TNNI3K: variants seen among roughly 807,000 people sequenced by gnomAD.
The protein encoded by TNNI3K is serine/threonine-protein kinase TNNI3K.
Under a neutral mutation model 114.5 loss-of-function variants are expected in TNNI3K, and 140 were observed. The ratio of observed to expected loss-of-function variants is 1.22; its 90% CI spans 1.07 to 1.41. The LOEUF (loss-of-function observed/expected upper bound fraction) is 1.41. Among genes scored for constraint, TNNI3K ranks in the 40% most tolerant of loss-of-function variants. The pLI is 0.00. For synonymous variants in TNNI3K, 347 were observed against 347.5 expected (o/e 1.00, Z 0.02); for missense variants, 1,125 against 1,007.6 (o/e 1.12, Z -1.58).
intron 17 of TNNI3K, chr1:74,375,680 A>G (rs926005868): frequency 2.4e-5 from 11 of 450,498 alleles, no homozygotes; most frequent in African/African-American, 2.2e-4. Context: ...ACCCTATGAT[A>G]TCATCTCCAA....
At chr1:74,512,336 A>G (rs1670271704) in intron 23 of TNNI3K, among the ~76,000 whole-genome samples, 1 of 152,180 alleles carries the variant, frequency 6.6e-6, no homozygotes, top group Non-Finnish European at 1.5e-5. Flanking sequence ...AACTGTGCAA[A>G]ACAGGCAACA....
At chr1:74,349,625 A>G (rs957118873) in intron 9 of TNNI3K, among the ~76,000 whole-genome samples, 7 of 152,132 alleles carry the variant, frequency 4.6e-5, no homozygotes, top group African/African-American at 7.2e-5. Context: ...TTGGTAAGCT[A>G]TTGATTATTG....
intron 11 of TNNI3K, among the ~76,000 whole-genome samples, chr1:74,363,410 A>T (rs1662080951): frequency 6.6e-6 from 1 of 152,080 alleles, no homozygotes; most frequent in East Asian, 1.9e-4. Flanking sequence ...ATCATCAGCC[A>T]GAACCCAGGC....
chr1:74,396,038 G>A (rs370655119), intron 17 of TNNI3K, among the ~76,000 whole-genome samples: 2 of 152,244 alleles, frequency 1.3e-5, no homozygotes, highest in East Asian at 3.9e-4. Context: ...TGTTGGATTA[G>A]TGAATTAACC....
intron 23 of TNNI3K, among the ~76,000 whole-genome samples, chr1:74,510,303 G>C (rs145872251): frequency 6.6e-6 from 1 of 151,966 alleles, no homozygotes; most frequent in Non-Finnish European, 1.5e-5. Context: ...TCAGGAGATC[G>C]AGACCATCCT....
chr1:74,314,650 C>T (rs937157427), intron 5 of TNNI3K, among the ~76,000 whole-genome samples: 2 of 151,996 alleles, frequency 1.3e-5, no homozygotes, highest in African/African-American at 4.8e-5. Flanking sequence ...AACTTGATGT[C>T]ATAAACACAT....
chr1:74,414,042 T>C (rs577780612), intron 17 of TNNI3K, among the ~76,000 whole-genome samples: 2 of 152,244 alleles, frequency 1.3e-5, no homozygotes, highest in South Asian at 4.1e-4. Flanking sequence ...TAAAACCTAC[T>C]GAAAAAAATG....
At chr1:74,504,083 A>G (rs926225210) in intron 23 of TNNI3K, among the ~76,000 whole-genome samples, 5 of 152,218 alleles carry the variant, frequency 3.3e-5, no homozygotes, top group African/African-American at 1.2e-4. Flanking sequence ...AGACAGCACT[A>G]TAGTGAAATA....
chr1:74,259,630 A>C (rs552264950), intron 4 of TNNI3K, among the ~76,000 whole-genome samples: 4 of 152,070 alleles, frequency 2.6e-5, no homozygotes, highest in Admixed American at 2.0e-4. Flanking sequence ...AAAATTAGCC[A>C]TATGTGGTGG....
chr1:74,486,702 T>C (rs1269744510), intron 21 of TNNI3K, among the ~76,000 whole-genome samples: 1 of 151,646 alleles, frequency 6.6e-6, no homozygotes, highest in African/African-American at 2.4e-5. Context: ...TTTTAAAGGG[T>C]AAAGAGACTC....
At chr1:74,316,032 A>T (rs1366714819) in intron 5 of TNNI3K, among the ~76,000 whole-genome samples, 1 of 152,242 alleles carries the variant, frequency 6.6e-6, no homozygotes, top group Non-Finnish European at 1.5e-5. Flanking sequence ...ATAATTATAT[A>T]CATTCACTGA....
intron 23 of TNNI3K, among the ~76,000 whole-genome samples, chr1:74,506,938 C>A (rs1216418258): frequency 6.6e-6 from 1 of 151,982 alleles, no homozygotes; most frequent in Non-Finnish European, 1.5e-5. Flanking sequence ...GGTATCATGT[C>A]TCTGTTGAAT....
intron 5 of TNNI3K, among the ~76,000 whole-genome samples, chr1:74,310,870 T>C (rs918281193): frequency 6.6e-6 from 1 of 152,126 alleles, no homozygotes; most frequent in Non-Finnish European, 1.5e-5. Context: ...TTTAGATACT[T>C]CTTGTTCACT....
At chr1:74,439,405 T>G in intron 19 of TNNI3K, 85 bp from the exon 20 acceptor site, 1 of 1,546,060 alleles carries the variant, frequency 6.5e-7, no homozygotes, top group Non-Finnish European at 8.7e-7. Flanking sequence ...GAGAACACAG[T>G]AAATTCTCAC....
In TNNI3K at chr1:74,342,824, C is replaced by A. The variant is rs374987653; in HGVS notation, c.683-18C>A. 4 of 1,612,080 alleles carry A rather than the reference C, an allele frequency of 2.5e-6. No homozygotes were observed. Among genetic ancestry groups the A allele is most frequent in the African/African-American group, 2.7e-5 (2 of 74,710 alleles). ...ACAATTCTAGATAACATATCTTTTT[C>A]TTTCTTGCTGATAACAGTGAATGCT... On this transcript the variant is annotated intron_variant, in intron 7 of 24. Coordinates refer to ENST00000326637, the MANE Select transcript of TNNI3K (RefSeq NM_015978.3).
intron 23 of TNNI3K, among the ~76,000 whole-genome samples, chr1:74,538,414 C>A (rs1007895213): frequency 6.6e-6 from 1 of 152,106 alleles, no homozygotes; most frequent in African/African-American, 2.4e-5. Context: ...TCCAAAAACT[C>A]TTTTTTAAGC....
chr1:74,440,412 TA>T (rs766347345), intron 20 of TNNI3K, among the ~76,000 whole-genome samples: 65 of 152,202 alleles, frequency 4.3e-4, no homozygotes, highest in Non-Finnish European at 7.9e-4. Flanking sequence ...TGTAATCTCC[TA>T]ATGGCCACCC....
At chr1:74,415,897 G>T (rs1665095083) in intron 17 of TNNI3K, among the ~76,000 whole-genome samples, 1 of 152,068 alleles carries the variant, frequency 6.6e-6, no homozygotes, top group South Asian at 2.1e-4. Flanking sequence ...GCTACTACTG[G>T]TATGCAGACA....
intron 17 of TNNI3K, among the ~76,000 whole-genome samples, chr1:74,395,928 G>C (rs1285682113): frequency 6.6e-6 from 1 of 152,192 alleles, no homozygotes; most frequent in Non-Finnish European, 1.5e-5. Flanking sequence ...TGGGCTCTTG[G>C]CCTAAGTTTG....
Sources: gnomAD v4.1 joint callset for allele counts (sites outside exome capture counted in the v4.1 genomes callset) on GRCh38, gnomAD v4.1.1 for gene constraint, MANE v1.5 for transcripts, NCBI Gene and HGNC (gene_info 2026-07-23, HGNC 2026-07-21) for gene names.